The following MGAM2 variants were observed in gnomAD, a reference collection of about 807,000 sequenced individuals.
MGAM2 encodes the protein maltase-glucoamylase 2 (putative).
Under a neutral mutation model 96.1 loss-of-function variants are expected in MGAM2, and 98 were observed. The observed-to-expected ratio is 1.02, with a 90% CI of 0.87 to 1.21. The LOEUF is 1.21. Ranked by LOEUF, MGAM2 falls within the 50% of genes most tolerant of loss-of-function variation. The probability of loss-of-function intolerance (pLI) is 0.00; values close to 1 mark genes in which losing one functional copy is unlikely to be tolerated. For missense variants in MGAM2, 2,055 were observed against 1,182.4 expected, an observed-to-expected ratio of 1.74 and a Z score of -10.82; for synonymous variants, 749 against 414.8, an observed-to-expected ratio of 1.81 and a Z score of -9.79.
In MGAM2 at chr7:142,148,363, T is replaced by TACCATGACCACCACCACC. The variant is rs1795452578; in HGVS notation, c.1634+792_1634+809dup. On this transcript the variant is annotated intron_variant, in intron 15 of 47. Coordinates refer to ENST00000477922, the MANE Select transcript of MGAM2 (RefSeq NM_001293626.2). The surrounding 1 kb of genome is among the most constrained non-coding windows in gnomAD (Gnocchi z 4.2). ...CTACCACTACCATCACCACCACCAC[T>TACCATGACCACCACCACC]ACCATGACCACCACCACCATCCCTA... Among the ~76,000 whole-genome samples, 1 of 149,616 alleles carries TACCATGACCACCACCACC rather than the reference T, an allele frequency of 6.7e-6. No individual in the cohort carries two copies. Among genetic ancestry groups the TACCATGACCACCACCACC allele is most frequent in the Non-Finnish European group, 1.5e-5 (1 of 67,326 alleles).
intron 45 of MGAM2, among the ~76,000 whole-genome samples, chr7:142,201,082 C>CTTTTTTTTTTTT (rs1314170979): frequency 7.4e-5 from 8 of 108,546 alleles, no homozygotes; most frequent in African/African-American, 2.3e-4. Context: ...TTTTTTTTTT[C>CTTTTTTTTTTTT]TTTTTTTTTT....
At position 142,131,556 on chromosome 7, in the gene MGAM2, CTGTT is replaced by C; in HGVS notation, c.352_355del (p.Phe118GlufsTer50). ...GTTGAAAAGGTTGCCATCACCATCT[CTGTT>C]TGGAAATGATGTCGCCACCACCCTT... On this transcript the variant is annotated frameshift_variant, in exon 5 of 48. Transcript: ENST00000477922. LOFTEE classifies it high-confidence loss of function. 1.4e-6 allele frequency: 1 copy of C among 703,004 alleles called. No individual in the cohort carries two copies. 43.5% of individuals were successfully genotyped at this position (703,004 alleles called of 1,614,324 possible). A position where few individuals can be genotyped will look rare whatever the true frequency, so the allele number is the denominator to read the frequency against.
intron 1 of MGAM2, among the ~76,000 whole-genome samples, chr7:142,114,149 AGAAG>A (rs1257919934): frequency 7.8e-4 from 84 of 107,846 alleles, no homozygotes; most frequent in African/African-American, 3.1e-3. Flanking sequence ...AAAGAAAGAA[AGAAG>A]GAAAGAAAGA....
chr7:142,132,417 A>G (rs569568805), intron 6 of MGAM2, among the ~76,000 whole-genome samples: 23 of 141,464 alleles, frequency 1.6e-4, no homozygotes, highest in African/African-American at 5.9e-4. Context: ...TAATAATAAT[A>G]TATTATTACT....
rs1366355204 is a variant in MGAM2, at chr7:142,189,462, G to C, written c.4303G>C (p.Val1435Leu). The change falls in exon 37 of 48, where the codon GTG becomes CTG. Residue 1435 changes from valine (V) to leucine (L), a missense_variant. Coordinates refer to ENST00000477922, the MANE Select transcript of MGAM2 (RefSeq NM_001293626.2). ...PDSSPVEHYNVHNLYGWSQTR... is the reference protein window; with the variant it reads ...PDSSPVEHYNLHNLYGWSQTR... ...CAGCTCCCCCGTGGAGCACTACAAC[G>C]TGCACAACCTGTACGGGTGGTCCCA... 2.3e-6 allele frequency: 2 copies of C among 855,420 alleles called. No homozygotes were observed. The highest frequency in any genetic ancestry group is 3.9e-6 in the Non-Finnish European group (2 of 512,162). The allele number at this position is 855,420 out of a possible 1,614,324, so 53.0% of individuals were successfully genotyped here.
chr7:142,162,296 TTGCAAGTGTATA>T (rs1428391538), intron 23 of MGAM2, among the ~76,000 whole-genome samples: 1 of 152,100 alleles, frequency 6.6e-6, no homozygotes, highest in African/African-American at 2.4e-5. Flanking sequence ...TTTTTGAGGT[TTGCAAGTGTATA>T]TGAGGTGTGA....
chr7:142,139,804 T>C (rs190727391), intron 10 of MGAM2, among the ~76,000 whole-genome samples: 4 of 145,082 alleles, frequency 2.8e-5, no homozygotes, highest in Non-Finnish European at 3.1e-5. Flanking sequence ...ATTTTTCCTG[T>C]AAAAAAAAAA....
chr7:142,115,417 A>T (rs1817355026), intron 1 of MGAM2, among the ~76,000 whole-genome samples: 1 of 152,224 alleles, frequency 6.6e-6, no homozygotes, highest in Admixed American at 6.5e-5. Flanking sequence ...AGCGAGGAAG[A>T]TGAGAGCAAT....
chr7:142,118,229 A>C (rs28758699), intron 2 of MGAM2, among the ~76,000 whole-genome samples: 25,533 of 152,082 alleles, frequency 0.17, 2,509 homozygotes, highest in East Asian at 0.36. Flanking sequence ...GAATTTGACT[A>C]TTTTAAATAA....
chr7:142,155,878 G>A (rs763597016), intron 17 of MGAM2, among the ~76,000 whole-genome samples: 9 of 152,214 alleles, frequency 5.9e-5, no homozygotes, highest in Non-Finnish European at 1.0e-4. Flanking sequence ...GGGCACGGTG[G>A]CTCACACCTG....
At chr7:142,168,682 A>G (rs923170123) in intron 26 of MGAM2, among the ~76,000 whole-genome samples, 2 of 152,238 alleles carry the variant, frequency 1.3e-5, no homozygotes, top group East Asian at 1.9e-4. Context: ...TACTGGAAAC[A>G]TAATGTGAGC....
rs148370364 is a variant in MGAM2 at position 142,189,496 on chromosome 7, C to G, written c.4337C>G (p.Pro1446Arg). Residue 1446 changes from proline to arginine, a missense_variant, in exon 37 of 48, where the codon CCC becomes CGC. Pro to Arg is a moderately radical substitution (Grantham distance 103). Coordinates refer to ENST00000477922, the MANE Select transcript of MGAM2 (RefSeq NM_001293626.2). The part of the protein sequence containing the change: ...HNLYGWSQTR[P>R]TYEAVQEVTG... ...CTGTACGGGTGGTCCCAGACCAGAC[C>G]CACATACGAGTGAGTGTCTTTTTGT... 65 of 841,018 alleles carry G rather than the reference C, an allele frequency of 7.7e-5. 1 individual carries two copies. In the East Asian group the frequency reaches 1.7e-3, roughly 21 times the overall value. The allele number at this position is 841,018 out of a possible 1,614,324, so 52.1% of individuals were successfully genotyped here.
rs369302922 is a variant in MGAM2 at position 142,119,199 on chromosome 7, G to C, written c.107-1103G>C. 4.0e-5 allele frequency among the ~76,000 whole-genome samples: 6 copies of C among 151,590 alleles called. No individual in the cohort carries two copies. In the South Asian group the frequency reaches 1.2e-3, roughly 32 times the overall value. ...GAATATAAGAGAATATATTCTCTTAGGATGTATAAAGAAATACTACAAATC... is the reference window on the plus strand; with the variant it reads ...GAATATAAGAGAATATATTCTCTTACGATGTATAAAGAAATACTACAAATC... On this transcript the variant is annotated intron_variant, in intron 2 of 47. Coordinates refer to ENST00000477922, the MANE Select transcript of MGAM2 (RefSeq NM_001293626.2).
chr7:142,154,550 C>T (rs1266037623), intron 16 of MGAM2, among the ~76,000 whole-genome samples, 179 bp from the exon 17 acceptor site: 2 of 152,148 alleles, frequency 1.3e-5, no homozygotes, highest in South Asian at 4.1e-4. Flanking sequence ...TCAGTAAGTC[C>T]GTGATGGATT....
intron 20 of MGAM2, 128 bp downstream of exon 20, chr7:142,159,471 T>G: frequency 1.6e-6 from 1 of 612,344 alleles, no homozygotes; most frequent in Non-Finnish European, 3.0e-6. Flanking sequence ...GTGGTCCTTT[T>G]TCTGTGAGAA....
chr7:142,135,816 CTCTT>C (rs964603601), intron 7 of MGAM2, among the ~76,000 whole-genome samples: 4 of 151,544 alleles, frequency 2.6e-5, no homozygotes, highest in Admixed American at 1.3e-4. Context: ...TTTTTTCTTT[CTCTT>C]TCTATCAGTT....
chr7:142,166,289 GA>G lies in MGAM2; in HGVS notation c.2808+38del, dbSNP rs1563270847. ...AGAAACAGATTACCTCATTGATTAGGAAGTAATTAGGCACCTAGAAAACACT... is the reference window on the plus strand; with the variant it reads ...AGAAACAGATTACCTCATTGATTAGGAGTAATTAGGCACCTAGAAAACACT... On this transcript the variant is annotated intron_variant, in intron 25 of 47. Coordinates refer to ENST00000477922, the MANE Select transcript of MGAM2 (RefSeq NM_001293626.2). 4 of 667,440 alleles carry G rather than the reference GA, an allele frequency of 6.0e-6. No individual in the cohort carries two copies. The South Asian group carries it at 6.6e-5, about 11-fold the overall frequency. 41.3% of individuals were successfully genotyped at this position (667,440 alleles called of 1,614,324 possible).
rs1177464770 is a variant in MGAM2, at chr7:142,221,016, A to G, written c.6505A>G (p.Thr2169Ala). 1.4e-6 allele frequency: 1 copy of G among 702,324 alleles called. No individual in the cohort carries two copies. The highest frequency in any genetic ancestry group is 2.6e-6 in the Non-Finnish European group (1 of 384,776). The allele number at this position is 702,324 out of a possible 1,614,324, so 43.5% of individuals were successfully genotyped here. Residue 2169 changes from threonine to alanine, a missense_variant, in exon 48 of 48, where the codon ACT becomes GCT. Transcript: ENST00000477922. ...TATAACTGCTACCTCTCATACAAGT[A>G]CTGATGATACTGTTCCTAATAATAC... The part of the protein sequence containing the change: ...ANITATSHTS[T>A]DDTVPNNTVP...
intron 46 of MGAM2, among the ~76,000 whole-genome samples, chr7:142,214,331 T>C (rs186259520): frequency 1.5e-4 from 23 of 152,228 alleles, no homozygotes; most frequent in African/African-American, 5.5e-4. Flanking sequence ...GAGAAAGAAA[T>C]AAAGCTTATT....
Sources: allele counts gnomAD v4.1 joint callset (sites outside exome capture counted in the v4.1 genomes callset), GRCh38; gene constraint gnomAD v4.1.1; non-coding constraint Gnocchi (gnomAD v3.1); transcripts MANE v1.5; gene names NCBI Gene and HGNC (gene_info 2026-07-23, HGNC 2026-07-21).